CLNK: variants seen among roughly 807,000 people sequenced by gnomAD.
CLNK encodes cytokine dependent hematopoietic cell linker, also known as cytokine-dependent hematopoietic cell linker.
A neutral mutation model predicts 68.6 loss-of-function variants in CLNK; 74 were observed. The ratio of observed to expected loss-of-function variants is 1.08; its 90% CI spans 0.89 to 1.31. The LOEUF is 1.31. Among genes scored for constraint, CLNK ranks in the 50% most tolerant of loss-of-function variants. The pLI, the probability that CLNK is intolerant of heterozygous loss-of-function variation, is 0.00. For synonymous variants in CLNK, 198 were observed against 172.2 expected, an observed-to-expected ratio of 1.15 and a Z score of -1.17; for missense variants, 553 against 515.3, an observed-to-expected ratio of 1.07 and a Z score of -0.71.
chr4:10,631,879 C>T (rs1722903640), intron 2 of CLNK, among the ~76,000 whole-genome samples: 1 of 152,178 alleles, frequency 6.6e-6, no homozygotes, highest in Non-Finnish European at 1.5e-5. Context: ...AGCTATTGGA[C>T]AATTGGGTAA....
intron 2 of CLNK, among the ~76,000 whole-genome samples, chr4:10,649,862 T>C (rs999536759): frequency 1.3e-5 from 2 of 150,768 alleles, no homozygotes; most frequent in African/African-American, 4.9e-5. Context: ...TTGTAAGAAA[T>C]ATGAGCAGGC....
chr4:10,601,076 T>G (rs1442850345), intron 2 of CLNK, among the ~76,000 whole-genome samples: 1 of 152,154 alleles, frequency 6.6e-6, no homozygotes, highest in Non-Finnish European at 1.5e-5. Context: ...GTAGCAACCC[T>G]CAGTAGCGAA....
chr4:10,725,654 C>T, the CLNK span, among the ~76,000 whole-genome samples: 39 of 152,224 alleles, frequency 2.6e-4, no homozygotes, highest in African/African-American at 7.9e-4. Context: ...GAGATCGAGA[C>T]CATCCTGGCT....
intron 18 of CLNK, among the ~76,000 whole-genome samples, chr4:10,498,182 C>T (rs1387848761): frequency 6.7e-6 from 1 of 149,276 alleles, no homozygotes; most frequent in African/African-American, 2.5e-5. Context: ...GCAACAAGAA[C>T]GAGACTCCGT....
At chr4:10,545,787 C>A (rs1395747004) in intron 8 of CLNK, among the ~76,000 whole-genome samples, 1 of 152,132 alleles carries the variant, frequency 6.6e-6, no homozygotes, top group African/African-American at 2.4e-5. Context: ...GGTTGCTGAG[C>A]CTCCACAGCT....
chr4:10,630,181 GGAATT>G (rs1229076703), intron 2 of CLNK, among the ~76,000 whole-genome samples: 1 of 152,212 alleles, frequency 6.6e-6, no homozygotes, highest in Non-Finnish European at 1.5e-5. Context: ...ATTGTAGACT[GGAATT>G]GAATCTGGCT....
In CLNK at chr4:10,648,252, T is replaced by C. The variant is rs540519186; in HGVS notation, c.11+19607A>G. ...AAGTGGCATCAGGGGACCAGTCTTG[T>C]GAGACATATATTATTATCTCTTTTA... On this transcript the variant is annotated intron_variant, in intron 2 of 18. Coordinates refer to ENST00000226951, the MANE Select transcript of CLNK (RefSeq NM_052964.4). Among the ~76,000 whole-genome samples, 35 of 152,330 alleles carry C rather than the reference T, an allele frequency of 2.3e-4. No individual in the cohort carries two copies. In the South Asian group the frequency reaches 5.6e-3, roughly 24 times the overall value.
chr4:10,655,204 T>C (rs1187335583), intron 2 of CLNK, among the ~76,000 whole-genome samples: 7 of 152,010 alleles, frequency 4.6e-5, no homozygotes, highest in Non-Finnish European at 1.0e-4. Context: ...AGAAGTTCTC[T>C]CTGTCTCTTG....
At chr4:10,704,823 G>T in the CLNK span, among the ~76,000 whole-genome samples, 1 of 152,216 alleles carries the variant, frequency 6.6e-6, no homozygotes, top group Non-Finnish European at 1.5e-5. Flanking sequence ...ATTTTATAAA[G>T]TGTCTGGTGA....
chr4:10,605,820 C>G (rs1281701057), intron 2 of CLNK, among the ~76,000 whole-genome samples: 29 of 24,612 alleles, frequency 1.2e-3, no homozygotes, highest in African/African-American at 2.8e-3. Flanking sequence ...GAGCAAGACT[C>G]TGTCCAAAAA....
At chr4:10,597,590 T>C (rs1721433729) in intron 3 of CLNK, among the ~76,000 whole-genome samples, 1 of 152,186 alleles carries the variant, frequency 6.6e-6, no homozygotes, top group African/African-American at 2.4e-5. Flanking sequence ...CTTGGCTCTC[T>C]CTTGTCTGCT....
At chr4:10,723,220 C>T in the CLNK span, among the ~76,000 whole-genome samples, 1 of 152,124 alleles carries the variant, frequency 6.6e-6, no homozygotes, top group African/African-American at 2.4e-5. Flanking sequence ...TTTACTTGGG[C>T]ATAGAAAGTT....
At chr4:10,511,329 A>C (rs1027815770) in intron 16 of CLNK, among the ~76,000 whole-genome samples, 2 of 152,178 alleles carry the variant, frequency 1.3e-5, no homozygotes, top group Non-Finnish European at 2.9e-5. Context: ...AATCTCTTCA[A>C]ATATTTTCCA....
the CLNK span, among the ~76,000 whole-genome samples, chr4:10,690,708 T>C: frequency 6.6e-6 from 1 of 152,222 alleles, no homozygotes; most frequent in South Asian, 2.1e-4. Context: ...GTTAGTATCA[T>C]TATCGCTGTT....
At chr4:10,531,812 G>T (rs746282113) in intron 12 of CLNK, 7 of 458,444 alleles carry the variant, frequency 1.5e-5, no homozygotes, top group Non-Finnish European at 2.6e-5. Context: ...TTCACAAAGC[G>T]AGTAGGTGGC....
intron 9 of CLNK, 34 bp downstream of exon 9, chr4:10,542,221 T>C: frequency 7.1e-7 from 1 of 1,399,316 alleles, no homozygotes; most frequent in Non-Finnish European, 9.9e-7. Flanking sequence ...AAGTAAATAA[T>C]GAATAACAAA....
At chr4:10,579,763 A>T (rs188747063) in intron 4 of CLNK, among the ~76,000 whole-genome samples, 48 of 152,252 alleles carry the variant, frequency 3.2e-4, no homozygotes, top group African/African-American at 9.1e-4. Flanking sequence ...CCTTGTCCCC[A>T]CATGTGCCTG....
chr4:10,499,109 C>T (rs929910202), intron 18 of CLNK, among the ~76,000 whole-genome samples: 1 of 151,966 alleles, frequency 6.6e-6, no homozygotes, highest in East Asian at 1.9e-4. Context: ...AACTTTTTAG[C>T]TCATTACAGA....
Position 10,520,791 on chromosome 4 carries a change from C to T in CLNK, c.772G>A (p.Asp258Asn), listed in dbSNP as rs1718028764. The T allele has an allele frequency of 1.9e-6, 3 of 1,603,986 alleles. No individual in the cohort carries two copies. Among genetic ancestry groups the T allele is most frequent in the East Asian group, 4.5e-5 (2 of 44,788 alleles). Residue 258 changes from aspartate to asparagine, a missense_variant and splice_region_variant, in exon 15 of 19, where the codon GAT (aspartate) becomes AAT (asparagine). Coordinates refer to ENST00000226951, the MANE Select transcript of CLNK (RefSeq NM_052964.4). The stretch of plus-strand genomic sequence containing the variant: ...TTTATAATTCTGAAAGTGCTCTTAC[C>T]TCTGTTTTGCACACTGTGGTTGCTT... Reference protein sequence around the residue: ...TTSNHSVQNRDHRGGMQPCSP... With the variant: ...TTSNHSVQNRNHRGGMQPCSP...
Sources: gnomAD v4.1 joint callset for allele counts (sites outside exome capture counted in the v4.1 genomes callset) on GRCh38, gnomAD v4.1.1 for gene constraint, MANE v1.5 for transcripts, NCBI Gene and HGNC (gene_info 2026-07-23, HGNC 2026-07-21) for gene names.